PLEKHM3: variants seen among roughly 807,000 people sequenced by gnomAD.
PLEKHM3 encodes pleckstrin homology domain containing M3.
A neutral mutation model predicts 81.8 loss-of-function variants in PLEKHM3; 45 were observed. The observed-to-expected ratio is 0.55, with a 90% confidence interval of 0.43 to 0.71. The LOEUF (loss-of-function observed/expected upper bound fraction) is 0.71, where lower values mean the gene tolerates loss of function less well. PLEKHM3 is among the 30% of genes least tolerant of loss of function. The probability of loss-of-function intolerance (pLI) is 0.00; values close to 1 mark genes in which losing one functional copy is unlikely to be tolerated. For synonymous variants in PLEKHM3, 352 were observed against 356.4 expected, an observed-to-expected ratio of 0.99 and a Z score of 0.14; for missense variants, 788 against 924.3, an observed-to-expected ratio of 0.85 and a Z score of 1.91.
intron 7 of PLEKHM3, among the ~76,000 whole-genome samples, chr2:207,850,502 T>C (rs1176724664): frequency 1.3e-5 from 2 of 152,222 alleles, no homozygotes; most frequent in African/African-American, 4.8e-5. Flanking sequence ...TCACAGTTGG[T>C]TTATTTTCTA....
intron 1 of PLEKHM3, among the ~76,000 whole-genome samples, chr2:208,023,151 T>C (rs1057441150): frequency 1.4e-5 from 2 of 141,730 alleles, no homozygotes; most frequent in Non-Finnish European, 3.1e-5. Context: ...CATATTAACC[T>C]TTTTTTTTTT....
At position 207,824,011 on chromosome 2, in the gene PLEKHM3, A is replaced by C. The variant is rs1406850000; in HGVS notation, c.*4308T>G. 6.6e-6 allele frequency: 1 copy of C among 152,262 alleles called. No homozygotes were observed. The highest frequency in any genetic ancestry group is 1.5e-5 in the Non-Finnish European group (1 of 68,060). 9.4% of individuals were successfully genotyped at this position (152,262 alleles called of 1,614,324 possible). On this transcript the variant is annotated 3_prime_UTR_variant, in exon 8 of 8. Transcript: ENST00000427836. ...AATCAACACTTGTCTGTTTACATTA[A>C]CCGAGCAGAGCTTAGTCACCCATCA... is the stretch of plus-strand genomic sequence containing the variant.
intron 6 of PLEKHM3, among the ~76,000 whole-genome samples, chr2:207,870,146 C>T (rs2105827971): frequency 6.6e-6 from 1 of 152,280 alleles, no homozygotes; most frequent in South Asian, 2.1e-4. Context: ...GAAAAGGGCA[C>T]AAATGATTCT....
chr2:208,019,971 G>GGAGGAGGAT (rs1693069735), intron 1 of PLEKHM3, among the ~76,000 whole-genome samples: 27 of 152,236 alleles, frequency 1.8e-4, no homozygotes, highest in Admixed American at 1.8e-3. Flanking sequence ...TGGATCAAGA[G>GGAGGAGGAT]CATGTAGGAG....
At chr2:208,019,829 T>C (rs965960782) in intron 1 of PLEKHM3, 2 of 152,248 alleles carry the variant, frequency 1.3e-5, no homozygotes, top group Non-Finnish European at 2.9e-5. Context: ...CCTGTCTTGT[T>C]CATTCCTAGC....
chr2:207,970,454 A>C (rs1691080174), intron 3 of PLEKHM3, among the ~76,000 whole-genome samples: 4 of 152,116 alleles, frequency 2.6e-5, no homozygotes. Context: ...GCCCTGTTGT[A>C]TTACTATTTA....
rs189092472 is a variant in PLEKHM3, at chr2:207,995,219, A to G, written c.610+5811T>C. 2.6e-5 allele frequency among the ~76,000 whole-genome samples: 4 copies of G among 152,292 alleles called. No individual in the cohort carries two copies. The East Asian group carries it at 7.7e-4, about 29-fold the overall frequency. On this transcript the variant is annotated intron_variant, in intron 2 of 7. Transcript: ENST00000427836. ...GCTCTGTGTCCGAGTATTTCAGTGA[A>G]TAAGTTAAATGCAGGAAACAATCCT...
At chr2:207,839,579 G>T (rs727411) in intron 7 of PLEKHM3, among the ~76,000 whole-genome samples, 86,420 of 151,914 alleles carry the variant, frequency 0.57, 24,922 homozygotes, top group Middle Eastern at 0.63. Flanking sequence ...GGTGCTCAAA[G>T]TGTGGTCCCT....
chr2:208,016,076 C>T (rs575324424), intron 1 of PLEKHM3, among the ~76,000 whole-genome samples: 1 of 152,108 alleles, frequency 6.6e-6, no homozygotes, highest in Admixed American at 6.5e-5. Context: ...TGCCTGTAAT[C>T]GCAGCTACTC....
At chr2:208,000,963 C>T in intron 2 of PLEKHM3, 67 bp downstream of exon 2, 1 of 1,328,058 alleles carries the variant, frequency 7.5e-7, no homozygotes, top group Non-Finnish European at 1.0e-6. Flanking sequence ...AACATACAAG[C>T]TTATCTGAGT....
At chr2:207,944,999 T>TTC (rs907744929) in intron 4 of PLEKHM3, among the ~76,000 whole-genome samples, 2 of 152,126 alleles carry the variant, frequency 1.3e-5, no homozygotes, top group African/African-American at 2.4e-5. Context: ...TGTTTCTTGT[T>TTC]TCTCTCTCTC....
chr2:207,836,766 T>C (rs1002888698), intron 7 of PLEKHM3, among the ~76,000 whole-genome samples: 1 of 152,208 alleles, frequency 6.6e-6, no homozygotes, highest in Non-Finnish European at 1.5e-5. Context: ...TGTGTTCATG[T>C]TGGGTTCTTC....
chr2:207,902,073 A>G (rs1688448912), intron 6 of PLEKHM3, among the ~76,000 whole-genome samples: 1 of 152,110 alleles, frequency 6.6e-6, no homozygotes, highest in Non-Finnish European at 1.5e-5. Flanking sequence ...CTATGAATAC[A>G]AGTTCCTTGG....
chr2:207,849,104 C>T (rs747125827), intron 7 of PLEKHM3, among the ~76,000 whole-genome samples: 26 of 152,072 alleles, frequency 1.7e-4, no homozygotes, highest in Non-Finnish European at 2.6e-4. Flanking sequence ...GAGGCCGAGG[C>T]GGGCGGATCA....
intron 7 of PLEKHM3, among the ~76,000 whole-genome samples, chr2:207,858,183 T>TTTTTG (rs2092447394): frequency 6.7e-6 from 1 of 149,588 alleles, no homozygotes; most frequent in Non-Finnish European, 1.5e-5. Context: ...TGTATATATT[T>TTTTTG]TTTTTTTTGA....
intron 3 of PLEKHM3, among the ~76,000 whole-genome samples, chr2:207,973,217 G>T (rs1332131830): frequency 2.0e-5 from 3 of 152,218 alleles, no homozygotes; most frequent in Non-Finnish European, 2.9e-5. Flanking sequence ...AAAGTTAGAA[G>T]ACATAGGTAC....
intron 6 of PLEKHM3, among the ~76,000 whole-genome samples, chr2:207,896,628 C>A (rs940212743): frequency 6.6e-6 from 1 of 152,204 alleles, no homozygotes; most frequent in African/African-American, 2.4e-5. Context: ...GCCCTTCGGT[C>A]CAGTTCCCTT....
At chr2:207,931,523 C>T (rs748968898) in intron 4 of PLEKHM3, among the ~76,000 whole-genome samples, 5 of 152,182 alleles carry the variant, frequency 3.3e-5, no homozygotes, top group Non-Finnish European at 7.3e-5. Context: ...ATTGTCTATG[C>T]AATTTCCTGT....
intron 6 of PLEKHM3, among the ~76,000 whole-genome samples, chr2:207,882,590 C>T (rs1212942081): frequency 1.1e-4 from 13 of 120,092 alleles, no homozygotes; most frequent in African/African-American, 2.7e-4. Context: ...CCAGCCTGGG[C>T]GACAAGAGCA....
Sources: gnomAD v4.1 joint callset for allele counts (sites outside exome capture counted in the v4.1 genomes callset) on GRCh38, gnomAD v4.1.1 for gene constraint, MANE v1.5 for transcripts, NCBI Gene and HGNC (gene_info 2026-07-23, HGNC 2026-07-21) for gene names.